Variants in SLC17A6 observed in about 807,000 individuals in gnomAD.
SLC17A6 encodes vesicular glutamate transporter 2.
SLC17A6 carries 35 observed loss-of-function variants against 67.1 expected under a neutral mutation model. The ratio of observed to expected loss-of-function variants is 0.52; its 90% CI spans 0.40 to 0.69. SLC17A6 has a LOEUF of 0.69. Among genes scored for constraint, SLC17A6 ranks in the 30% least tolerant of loss-of-function variants. The probability of loss-of-function intolerance (pLI) is 0.00; values close to 1 mark genes in which losing one functional copy is unlikely to be tolerated. For synonymous variants in SLC17A6, 285 were observed against 252.3 expected, an observed-to-expected ratio of 1.13 and a Z score of -1.23; for missense variants, 588 against 723.9, an observed-to-expected ratio of 0.81 and a Z score of 2.15.
At chr11:22,365,121 C>A (rs1316652960) in intron 6 of SLC17A6, among the ~76,000 whole-genome samples, 1 of 152,094 alleles carries the variant, frequency 6.6e-6, no homozygotes, top group African/African-American at 2.4e-5. Flanking sequence ...AATGCAACCA[C>A]TTTTATATAT....
intron 8 of SLC17A6, among the ~76,000 whole-genome samples, chr11:22,371,300 C>T (rs1023263472): frequency 5.9e-4 from 89 of 152,016 alleles, no homozygotes; most frequent in African/African-American, 1.9e-3. Flanking sequence ...GCTCGCTATT[C>T]ATATTCTATC....
At chr11:22,357,107 C>G (rs1856000112) in intron 3 of SLC17A6, among the ~76,000 whole-genome samples, 1 of 152,138 alleles carries the variant, frequency 6.6e-6, no homozygotes, top group African/African-American at 2.4e-5. Context: ...TAAAACAGAA[C>G]TATATCTGAA....
Position 22,339,151 on chromosome 11 carries a change from A to ATATGTTATATATATAT in SLC17A6, c.86+532_86+533insTATGTTATATATATAT, listed in dbSNP as rs57725309. Among the ~76,000 whole-genome samples the ATATGTTATATATATAT allele has an allele frequency of 0.013, 384 of 29,780 alleles. 86 individuals carry two copies. In the Middle Eastern group the frequency reaches 0.15, roughly 11 times the overall value. The allele number at this position is 29,780 out of a possible 152,430, so 19.5% of individuals were successfully genotyped here. ...TATGTTATATATATATGTTATATAT[A>ATATGTTATATATATAT]GTTATATATATATGTTATATATATA... On this transcript the variant is annotated intron_variant, in intron 1 of 11. Transcript: ENST00000263160.
At chr11:22,342,909 T>A (rs1256593955) in intron 2 of SLC17A6, 2 of 475,268 alleles carry the variant, frequency 4.2e-6, no homozygotes, top group East Asian at 6.4e-5. Flanking sequence ...CGTCTCCACA[T>A]CTGGCTAACA....
In SLC17A6 at chr11:22,370,050, T is replaced by A; in HGVS notation, c.903T>A (p.Thr301=). Reference sequence around the variant, plus strand: ...TTTTGGAATTTCAGAAATTCAAGACTCCATGGAGGAAGTTTTTTACATCCA... The same window carrying A: ...TTTTGGAATTTCAGAAATTCAAGACACCATGGAGGAAGTTTTTTACATCCA... ...NLLGAMEKFK[T]PWRKFFTSMP... is the part of the protein sequence containing the mutation. Residue 301 remains threonine, a synonymous_variant, in exon 8 of 12, where the codon ACT becomes ACA. Transcript: ENST00000263160. 6.2e-7 allele frequency: 1 copy of A among 1,607,610 alleles called. No homozygotes were observed. Among genetic ancestry groups the A allele is most frequent in the Non-Finnish European group, 8.5e-7 (1 of 1,178,088 alleles).
intron 2 of SLC17A6, among the ~76,000 whole-genome samples, chr11:22,342,021 G>C (rs1316466154): frequency 6.6e-6 from 1 of 152,224 alleles, no homozygotes; most frequent in Non-Finnish European, 1.5e-5. Context: ...TAGCTCACCA[G>C]GTTTTGTGAA....
chr11:22,347,929 T>C (rs559742036), intron 3 of SLC17A6, among the ~76,000 whole-genome samples: 9 of 152,334 alleles, frequency 5.9e-5, no homozygotes, highest in Middle Eastern at 3.4e-3. Context: ...CTTGAATTTC[T>C]AACTTGACTT....
At chr11:22,371,370 A>G (rs558182722) in intron 8 of SLC17A6, among the ~76,000 whole-genome samples, 5 of 152,122 alleles carry the variant, frequency 3.3e-5, no homozygotes, top group South Asian at 4.2e-4. Context: ...AGGAGTAGCT[A>G]TTCTAAGAGC....
Position 22,338,523 on chromosome 11 carries a change from T to G in SLC17A6, c.-11T>G. 1.3e-6 allele frequency: 2 copies of G among 1,599,030 alleles called. No individual in the cohort carries two copies. The highest frequency in any genetic ancestry group is 1.7e-6 in the Non-Finnish European group (2 of 1,166,732). On this transcript the variant is annotated 5_prime_UTR_variant, in exon 1 of 12. Transcript: ENST00000263160. The stretch of plus-strand genomic sequence containing the variant: ...TAAATCTGGCAAGAACTGACAACAG[T>G]CTTTGCAAGAATGGAATCCGTAAAA...
intron 6 of SLC17A6, among the ~76,000 whole-genome samples, chr11:22,363,908 G>C (rs1361849553): frequency 6.6e-6 from 1 of 151,924 alleles, no homozygotes; most frequent in Non-Finnish European, 1.5e-5. Context: ...TGTACAAGTT[G>C]GTATGGCTAT....
At chr11:22,352,105 T>C (rs2133864711) in intron 3 of SLC17A6, among the ~76,000 whole-genome samples, 1 of 145,336 alleles carries the variant, frequency 6.9e-6, no homozygotes, top group Non-Finnish European at 1.5e-5. Context: ...ATTTCCTAAT[T>C]TAATTTTGAA....
chr11:22,357,467 G>T (rs1856003877), intron 3 of SLC17A6, among the ~76,000 whole-genome samples: 2 of 152,280 alleles, frequency 1.3e-5, no homozygotes, highest in African/African-American at 4.8e-5. Context: ...TAGAGGAGGG[G>T]TGTGTGCTAC....
At chr11:22,340,920 G>A (rs1855807474) in intron 1 of SLC17A6, among the ~76,000 whole-genome samples, 1 of 152,192 alleles carries the variant, frequency 6.6e-6, no homozygotes. Context: ...TAGTCCAGGG[G>A]GTGCTCCAGG....
Position 22,377,725 on chromosome 11 carries a change from A to G in SLC17A6, c.1734A>G (p.Arg578=), listed in dbSNP as rs763027496. ...AAGACTCACATAGCTATAAGGACCGAGTTGATTATTCATAACAAAACTAAT... is the reference window on the plus strand; with the variant it reads ...AAGACTCACATAGCTATAAGGACCGGGTTGATTATTCATAACAAAACTAAT... ...EVQDSHSYKD[R]VDYS Residue 578 remains arginine, a synonymous_variant, in exon 12 of 12, where the codon CGA becomes CGG. Coordinates refer to ENST00000263160, the MANE Select transcript of SLC17A6 (RefSeq NM_020346.3). 3.8e-6 allele frequency: 6 copies of G among 1,571,750 alleles called. No homozygotes were observed. The Admixed American group carries it at 1.1e-4, about 30-fold the overall frequency.
intron 9 of SLC17A6, among the ~76,000 whole-genome samples, chr11:22,375,281 A>T (rs1450950480): frequency 1.3e-5 from 2 of 151,858 alleles, no homozygotes; most frequent in Non-Finnish European, 2.9e-5. Context: ...CTGAGGCAGG[A>T]GAATTGCTTG....
At chr11:22,359,665 G>A (rs1856027708) in intron 4 of SLC17A6, 138 bp downstream of exon 4, 1 of 421,540 alleles carries the variant, frequency 2.4e-6, no homozygotes. Flanking sequence ...ATGAAACACT[G>A]GAAATGTTAG....
At chr11:22,347,244 T>TA (rs36044887) in intron 3 of SLC17A6, among the ~76,000 whole-genome samples, 27 of 149,280 alleles carry the variant, frequency 1.8e-4, no homozygotes, top group African/African-American at 3.9e-4. Context: ...GTTTGGGGAT[T>TA]AAAAAAAAAA....
At chr11:22,363,262 G>GTGC (rs1856072916) in intron 6 of SLC17A6, among the ~76,000 whole-genome samples, 1 of 151,988 alleles carries the variant, frequency 6.6e-6, no homozygotes, top group African/African-American at 2.4e-5. Flanking sequence ...GGGGGTGGTG[G>GTGC]TGCTAAAGTG....
Position 22,365,610 on chromosome 11 carries a change from A to T in SLC17A6, c.812A>T (p.His271Leu). Residue 271 changes from histidine (H) to leucine (L), a missense_variant, in exon 7 of 12, where the codon CAT becomes CTT. Transcript: ENST00000263160. The stretch of plus-strand genomic sequence containing the variant: ...GTGTCTTATGAAAGTCCTGCAAAGC[A>T]TCCTACTATTACAGATGAAGAACGT... ...LLVSYESPAK[H>L]PTITDEERRY... The T allele has an allele frequency of 6.2e-7, 1 of 1,614,038 alleles. No individual in the cohort carries two copies. Among genetic ancestry groups the T allele is most frequent in the East Asian group, 2.2e-5 (1 of 44,856 alleles).
Sources: gnomAD v4.1 joint callset for allele counts (sites outside exome capture counted in the v4.1 genomes callset) on GRCh38, gnomAD v4.1.1 for gene constraint, MANE v1.5 for transcripts, NCBI Gene and HGNC (gene_info 2026-07-23, HGNC 2026-07-21) for gene names.